Variants in CLSTN2 observed in about 807,000 individuals in gnomAD.
CLSTN2 encodes calsyntenin 2, also known as calsyntenin-2.
CLSTN2 carries 48 observed loss-of-function variants against 101.2 expected under a neutral mutation model. That is an observed-to-expected ratio of 0.47 (90% CI 0.38 to 0.60). The LOEUF (loss-of-function observed/expected upper bound fraction) is 0.60, where lower values mean the gene tolerates loss of function less well. CLSTN2 is among the 20% of genes least tolerant of loss of function. The pLI is 0.00. For missense variants in CLSTN2, 1,160 were observed against 1,238.2 expected (o/e 0.94, Z 0.95); for synonymous variants, 481 against 463.6 (o/e 1.04, Z -0.48).
At chr3:140,511,456 A>G (rs1255806769) in intron 8 of CLSTN2, among the ~76,000 whole-genome samples, 3 of 151,922 alleles carry the variant, frequency 2.0e-5, no homozygotes, top group African/African-American at 4.8e-5. Flanking sequence ...TGTCTTCCAC[A>G]ATGGTTGAAC....
intron 2 of CLSTN2, among the ~76,000 whole-genome samples, chr3:140,300,906 C>A (rs2087052674): frequency 6.6e-6 from 1 of 151,896 alleles, no homozygotes; most frequent in African/African-American, 2.4e-5. Flanking sequence ...AGCTGGAGAC[C>A]CAAGAAAGCC....
At chr3:140,003,994 G>A (rs973557438) in intron 1 of CLSTN2, among the ~76,000 whole-genome samples, 4 of 151,742 alleles carry the variant, frequency 2.6e-5, no homozygotes, top group Admixed American at 6.6e-5. Flanking sequence ...TTGTATGCTC[G>A]TCATTGCATA....
At chr3:140,388,825 A>G (rs374223703) in intron 2 of CLSTN2, among the ~76,000 whole-genome samples, 2 of 152,348 alleles carry the variant, frequency 1.3e-5, no homozygotes, top group East Asian at 3.9e-4. Flanking sequence ...GAAGTATCTA[A>G]TATTTCACCA....
At chr3:140,339,778 C>T (rs1340321147) in intron 2 of CLSTN2, among the ~76,000 whole-genome samples, 3 of 152,220 alleles carry the variant, frequency 2.0e-5, no homozygotes, top group Non-Finnish European at 2.9e-5. Flanking sequence ...GGTTAATGAA[C>T]ACTGTTATAG....
intron 2 of CLSTN2, among the ~76,000 whole-genome samples, chr3:140,309,176 G>C (rs1034116223): frequency 6.6e-6 from 1 of 152,156 alleles, no homozygotes; most frequent in South Asian, 2.1e-4. Flanking sequence ...ATCTTGACAA[G>C]TGAGACAAAG....
At chr3:139,984,794 C>T (rs564840576) in intron 1 of CLSTN2, among the ~76,000 whole-genome samples, 1 of 152,282 alleles carries the variant, frequency 6.6e-6, no homozygotes, top group Admixed American at 6.5e-5. Flanking sequence ...ACCTCTAACT[C>T]CTGCCTTGTA....
chr3:140,074,415 T>A (rs756513649), intron 1 of CLSTN2, among the ~76,000 whole-genome samples: 1 of 152,134 alleles, frequency 6.6e-6, no homozygotes, highest in African/African-American at 2.4e-5. Flanking sequence ...GGGGAGTAGC[T>A]GTTCTTAGCC....
chr3:140,069,926 G>C (rs1386681845), intron 1 of CLSTN2, among the ~76,000 whole-genome samples: 1 of 152,216 alleles, frequency 6.6e-6, no homozygotes, highest in African/African-American at 2.4e-5. Flanking sequence ...ACCTCAGCAT[G>C]AAAGTTAGGG....
At chr3:140,302,271 A>G (rs368881440) in intron 2 of CLSTN2, among the ~76,000 whole-genome samples, 5 of 152,304 alleles carry the variant, frequency 3.3e-5, no homozygotes, top group African/African-American at 1.2e-4. Flanking sequence ...GAGCTGTCAA[A>G]AGGGCTGTAA....
chr3:140,069,655 G>T (rs2008358517), intron 1 of CLSTN2, among the ~76,000 whole-genome samples: 1 of 152,160 alleles, frequency 6.6e-6, no homozygotes, highest in Non-Finnish European at 1.5e-5. Flanking sequence ...AGAAAGCTGA[G>T]GTCAGAGAAG....
chr3:140,300,555 G>A (rs1199295662), intron 2 of CLSTN2, among the ~76,000 whole-genome samples: 1 of 152,124 alleles, frequency 6.6e-6, no homozygotes, highest in Non-Finnish European at 1.5e-5. Flanking sequence ...CCCAGCACAG[G>A]GTTCTTTTGG....
chr3:140,312,887 T>C (rs11708993), intron 2 of CLSTN2, among the ~76,000 whole-genome samples: 58,952 of 152,196 alleles, frequency 0.39, 13,288 homozygotes, highest in Non-Finnish European at 0.53. Flanking sequence ...TTTTCAGCAA[T>C]TGGAGTATTT....
In CLSTN2 at chr3:140,490,596, G is replaced by GAAAAA. The variant is rs71149081; in HGVS notation, c.1344+23881_1344+23885dup. ...GGTGACAGAGCGAGACCTTGTCTCAGAAAAAAAAAAAAAAAAAAAACATGG... is the reference window on the plus strand; with the variant it reads ...GGTGACAGAGCGAGACCTTGTCTCAGAAAAAAAAAAAAAAAAAAAAAAAAACATGG... On this transcript the variant is annotated intron_variant, in intron 8 of 16. Transcript: ENST00000458420. 1.4e-3 allele frequency among the ~76,000 whole-genome samples: 126 copies of GAAAAA among 90,000 alleles called. 2 individuals carry two copies. Among genetic ancestry groups the GAAAAA allele is most frequent in the African/African-American group, 4.5e-3 (99 of 22,090 alleles). The allele number at this position is 90,000 out of a possible 152,430, so 59.0% of individuals were successfully genotyped here. A position where few individuals can be genotyped will look rare whatever the true frequency, so the allele number is the denominator to read the frequency against.
chr3:140,153,746 C>T (rs747181875), intron 1 of CLSTN2, among the ~76,000 whole-genome samples: 1 of 152,158 alleles, frequency 6.6e-6, no homozygotes, highest in Non-Finnish European at 1.5e-5. Context: ...TGAGCTTGCT[C>T]CACCTCAGGC....
At chr3:140,347,612 C>T (rs2107940421) in intron 2 of CLSTN2, among the ~76,000 whole-genome samples, 1 of 152,336 alleles carries the variant, frequency 6.6e-6, no homozygotes, top group South Asian at 2.1e-4. Context: ...AATGAGCCAT[C>T]CTAGCAAATA....
At chr3:140,556,375 C>T (rs1935790860) in intron 10 of CLSTN2, 138 bp from the exon 11 acceptor site, 9 of 765,172 alleles carry the variant, frequency 1.2e-5, no homozygotes, top group South Asian at 1.2e-4. Context: ...ATCATTTGTA[C>T]ACACAACTGT....
chr3:140,304,263 TCTG>T (rs2107911774), intron 2 of CLSTN2, among the ~76,000 whole-genome samples: 1 of 152,338 alleles, frequency 6.6e-6, no homozygotes, highest in African/African-American at 2.4e-5. Context: ...AGTGAAGTCT[TCTG>T]CTGATGATGG....
intron 4 of CLSTN2, among the ~76,000 whole-genome samples, chr3:140,407,382 C>T (rs377688576): frequency 6.6e-5 from 10 of 152,226 alleles, no homozygotes; most frequent in Non-Finnish European, 1.3e-4. Context: ...ATAGAAGACA[C>T]AATGTGGAGT....
chr3:139,972,900 C>G (rs929742828), intron 1 of CLSTN2, among the ~76,000 whole-genome samples: 14 of 152,172 alleles, frequency 9.2e-5, no homozygotes, highest in Non-Finnish European at 1.9e-4. Context: ...ACAGAAATGG[C>G]CCTCCAGCAT....
Sources: gnomAD v4.1 joint callset for allele counts (sites outside exome capture counted in the v4.1 genomes callset) on GRCh38, gnomAD v4.1.1 for gene constraint, MANE v1.5 for transcripts, NCBI Gene and HGNC (gene_info 2026-07-23, HGNC 2026-07-21) for gene names.